Variants in ABCD2 observed in about 807,000 individuals in gnomAD.
ABCD2 encodes ATP-binding cassette sub-family D member 2.
A neutral mutation model predicts 70.9 loss-of-function variants in ABCD2; 36 were observed. The observed-to-expected ratio is 0.51, with a 90% CI of 0.39 to 0.67. The LOEUF (loss-of-function observed/expected upper bound fraction) is 0.67, where lower values mean the gene tolerates loss of function less well. ABCD2 is among the 30% of genes least tolerant of loss of function. The probability of loss-of-function intolerance (pLI) is 0.00; values close to 1 mark genes in which losing one functional copy is unlikely to be tolerated. For synonymous variants in ABCD2, 304 were observed against 306.9 expected (o/e 0.99, Z 0.10); for missense variants, 729 against 890.2 (o/e 0.82, Z 2.30).
chr12:39,574,474 C>T (rs1440202210), intron 8 of ABCD2, among the ~76,000 whole-genome samples: 1 of 152,052 alleles, frequency 6.6e-6, no homozygotes, highest in Non-Finnish European at 1.5e-5. Flanking sequence ...TTATTTTTTA[C>T]TTTGATAATG....
At chr12:39,532,552 G>A in the ABCD2 span, among the ~76,000 whole-genome samples, 5 of 152,164 alleles carry the variant, frequency 3.3e-5, no homozygotes, top group Admixed American at 1.3e-4. Context: ...ATCTGGCAAT[G>A]TATATTAATT....
chr12:39,578,099 A>C (rs1386263909), intron 8 of ABCD2, among the ~76,000 whole-genome samples: 1 of 152,360 alleles, frequency 6.6e-6, no homozygotes, highest in East Asian at 1.9e-4. Flanking sequence ...CAACTCACAC[A>C]AGAGTGCTGC....
intron 6 of ABCD2, among the ~76,000 whole-genome samples, chr12:39,593,562 T>C (rs146582877): frequency 6.6e-6 from 1 of 152,294 alleles, no homozygotes; most frequent in East Asian, 1.9e-4. Context: ...CAGAACTTCA[T>C]ATTTTAAAAT....
intron 9 of ABCD2, among the ~76,000 whole-genome samples, chr12:39,567,697 G>T (rs989280990): frequency 6.6e-6 from 1 of 152,156 alleles, no homozygotes; most frequent in African/African-American, 2.4e-5. Context: ...TTGCTCATTA[G>T]TTGATGCAAT....
At chr12:39,600,947 T>C (rs1201917018) in intron 5 of ABCD2, among the ~76,000 whole-genome samples, 1 of 152,134 alleles carries the variant, frequency 6.6e-6, no homozygotes, top group Non-Finnish European at 1.5e-5. Context: ...CTTCTTGAAA[T>C]GGGCACTGGC....
downstream of ABCD2, among the ~76,000 whole-genome samples, chr12:39,549,005 C>T (rs1941053561): frequency 6.6e-6 from 1 of 151,914 alleles, no homozygotes; most frequent in African/African-American, 2.4e-5. Flanking sequence ...AACTTTCCTG[C>T]TATGTTTATC....
chr12:39,545,425 G>GT (rs1416995840), downstream of ABCD2, among the ~76,000 whole-genome samples: 2 of 152,076 alleles, frequency 1.3e-5, no homozygotes, highest in Non-Finnish European at 2.9e-5. Flanking sequence ...ATGCAATGAA[G>GT]TAAGTGCCAT....
intron 2 of ABCD2, among the ~76,000 whole-genome samples, chr12:39,613,162 G>A (rs1372106415): frequency 2.3e-5 from 2 of 87,684 alleles, no homozygotes; most frequent in Non-Finnish European, 2.1e-5. Flanking sequence ...CGAGGCGGGC[G>A]GATCACGAGG....
chr12:39,586,818 C>T (rs911689098), intron 6 of ABCD2, among the ~76,000 whole-genome samples: 2 of 151,976 alleles, frequency 1.3e-5, no homozygotes, highest in African/African-American at 4.8e-5. Context: ...GGGTTTCGAC[C>T]CAGCAATGTG....
At chr12:39,576,868 T>C (rs944126197) in intron 8 of ABCD2, among the ~76,000 whole-genome samples, 1 of 152,192 alleles carries the variant, frequency 6.6e-6, no homozygotes, top group African/African-American at 2.4e-5. Context: ...AGTCATCCAA[T>C]TGTATACCTA....
chr12:39,592,457 A>T (rs551027733), intron 6 of ABCD2, among the ~76,000 whole-genome samples: 5 of 152,168 alleles, frequency 3.3e-5, no homozygotes, highest in African/African-American at 1.2e-4. Context: ...CACAATTACA[A>T]TATATTTACT....
At chr12:39,578,393 G>A (rs1225694872) in intron 8 of ABCD2, among the ~76,000 whole-genome samples, 2 of 149,234 alleles carry the variant, frequency 1.3e-5, no homozygotes, top group Non-Finnish European at 3.0e-5. Flanking sequence ...AGAATGACGT[G>A]AACCCGGGAG....
chr12:39,567,824 G>T (rs1011054697), intron 9 of ABCD2, among the ~76,000 whole-genome samples: 2 of 152,138 alleles, frequency 1.3e-5, no homozygotes, highest in Non-Finnish European at 2.9e-5. Flanking sequence ...AGGCCTAGTG[G>T]TGACAAAATC....
In ABCD2 at chr12:39,586,169, A is replaced by T. The variant is rs201982720; in HGVS notation, c.1775T>A (p.Ile592Lys). 1.6e-4 allele frequency: 261 copies of T among 1,612,448 alleles called. 1 individual carries two copies. The Admixed American group carries it at 2.7e-3, about 17-fold the overall frequency. The change falls in exon 7 of 10, where the codon ATA becomes AAA. Residue 592 changes from isoleucine to lysine, a missense_variant. This residue lies in a region of ABCD2 where 289 missense variants were observed against 328.8 expected (regional missense o/e 0.88). Coordinates refer to ENST00000308666, the MANE Select transcript of ABCD2 (RefSeq NM_005164.4). ...RILHNVHLYH[I>K]VQREGGWDAV... ...GACTTTACCTCCTTCTCTTTGAACT[A>T]TGTGATAGAGATGGACATTGTGTAG...
At position 39,568,302 on chromosome 12, in the gene ABCD2, T is replaced by C. The variant is rs187050048; in HGVS notation, c.2003+5414A>G. On this transcript the variant is annotated intron_variant, in intron 9 of 9. Transcript: ENST00000308666. ...TTTGGTCTTTTCACATAGTCCCATA[T>C]TTCTTGGAGGCTTTGTTCATTTCTG... 7.9e-3 allele frequency among the ~76,000 whole-genome samples: 1,197 copies of C among 152,348 alleles called. 12 individuals carry two copies. The highest frequency in any genetic ancestry group is 0.048 in the Middle Eastern group (14 of 294).
intron 9 of ABCD2, among the ~76,000 whole-genome samples, chr12:39,555,000 T>G (rs988101770): frequency 3.3e-5 from 5 of 152,198 alleles, no homozygotes; most frequent in African/African-American, 1.2e-4. Flanking sequence ...CTATGATCGG[T>G]GGGCTTTTTT....
rs1313587247 is a variant in ABCD2, at chr12:39,573,575, T to A, written c.2003+141A>T. 3 of 755,102 alleles carry A rather than the reference T, an allele frequency of 4.0e-6. No individual in the cohort carries two copies. The African/African-American group carries it at 5.4e-5, about 13-fold the overall frequency. The allele number at this position is 755,102 out of a possible 1,614,324, so 46.8% of individuals were successfully genotyped here. On this transcript the variant is annotated intron_variant, in intron 9 of 9. Coordinates refer to ENST00000308666, the MANE Select transcript of ABCD2 (RefSeq NM_005164.4). ...GATATTAGGTAGGGAGTATCTAAGCTACTAATGTGCAACTTAAGAGAAATA... is the reference window on the plus strand; with the variant it reads ...GATATTAGGTAGGGAGTATCTAAGCAACTAATGTGCAACTTAAGAGAAATA...
rs538189220 is a variant in ABCD2, at chr12:39,584,785, C to T, written c.1792+1367G>A. ...TTTATTGAATAGGGAGTCTTTTCCC[C>T]ATTGCTTGTTTTTGTCAGCTTTGTT... On this transcript the variant is annotated intron_variant, in intron 7 of 9. Transcript: ENST00000308666. Among the ~76,000 whole-genome samples the T allele has an allele frequency of 7.2e-5, 11 of 152,258 alleles. 1 individual carries two copies. The South Asian group carries it at 2.3e-3, about 32-fold the overall frequency.
intron 2 of ABCD2, among the ~76,000 whole-genome samples, chr12:39,615,964 CATT>C (rs1183574467): frequency 6.6e-6 from 1 of 152,060 alleles, no homozygotes; most frequent in Non-Finnish European, 1.5e-5. Flanking sequence ...ACTTCATAAA[CATT>C]ATTCAGTTAA....
Sources: gnomAD v4.1 joint callset for allele counts (sites outside exome capture counted in the v4.1 genomes callset) on GRCh38, gnomAD v4.1.1 for gene constraint, gnomAD v4.1.1 regional missense constraint, MANE v1.5 for transcripts, NCBI Gene and HGNC (gene_info 2026-07-23, HGNC 2026-07-21) for gene names.